Variants in TDRD5 observed in about 807,000 individuals in gnomAD.
TDRD5 encodes the protein tudor domain-containing protein 5.
In TDRD5, 41 loss-of-function variants were observed where a neutral mutation model predicts 120.6. The observed-to-expected ratio is 0.34, with a 90% CI of 0.26 to 0.44. The LOEUF (loss-of-function observed/expected upper bound fraction) is 0.44. Ranked by LOEUF, TDRD5 falls within the 20% of genes least tolerant of loss-of-function variation. The pLI, the probability that TDRD5 is intolerant of heterozygous loss-of-function variation, is 1.00. For synonymous variants in TDRD5, 430 were observed against 433.7 expected (o/e 0.99, Z 0.11); for missense variants, 1,006 against 1,221.2 (o/e 0.82, Z 2.63).
At chr1:179,596,709 C>T (rs1675411061) in intron 4 of TDRD5, among the ~76,000 whole-genome samples, 1 of 152,072 alleles carries the variant, frequency 6.6e-6, no homozygotes, top group Admixed American at 6.6e-5. Context: ...TTTGTTATAC[C>T]TTCCCCATTA....
At chr1:179,610,940 ATGT>A (rs1345219376) in intron 4 of TDRD5, among the ~76,000 whole-genome samples, 1 of 152,104 alleles carries the variant, frequency 6.6e-6, no homozygotes, top group African/African-American at 2.4e-5. Flanking sequence ...ATTCATTGAC[ATGT>A]TGTAGTTGTC....
intron 3 of TDRD5, among the ~76,000 whole-genome samples, chr1:179,594,449 T>C (rs1431086269): frequency 6.6e-6 from 1 of 152,212 alleles, no homozygotes; most frequent in Non-Finnish European, 1.5e-5. Flanking sequence ...TTAAATGGCT[T>C]TTCTAAAGTC....
At chr1:179,623,335 G>A (rs1231520085) in intron 6 of TDRD5, among the ~76,000 whole-genome samples, 1 of 152,082 alleles carries the variant, frequency 6.6e-6, no homozygotes, top group Admixed American at 6.6e-5. Context: ...TGCCTTTTTT[G>A]ATCAGTTAAA....
chr1:179,636,409 G>T (rs1264622916), intron 9 of TDRD5, among the ~76,000 whole-genome samples: 1 of 152,182 alleles, frequency 6.6e-6, no homozygotes, highest in Non-Finnish European at 1.5e-5. Flanking sequence ...AAATCCACTG[G>T]TCTGCCTCTA....
chr1:179,608,001 C>A (rs1676070272), intron 4 of TDRD5, among the ~76,000 whole-genome samples: 2 of 151,662 alleles, frequency 1.3e-5, no homozygotes, highest in South Asian at 4.1e-4. Context: ...AGCTTTTATT[C>A]ATCTGAAAAA....
chr1:179,646,483 C>T (rs895212707), intron 11 of TDRD5, among the ~76,000 whole-genome samples: 9 of 151,192 alleles, frequency 6.0e-5, no homozygotes, highest in Non-Finnish European at 1.3e-4. Flanking sequence ...TATGACAAAC[C>T]CACAGCCAAT....
chr1:179,650,621 G>GA (rs1438339535), intron 11 of TDRD5, among the ~76,000 whole-genome samples: 6 of 152,000 alleles, frequency 3.9e-5, no homozygotes, highest in Non-Finnish European at 8.8e-5. Flanking sequence ...CACAATTTCT[G>GA]AAAATGGAAG....
In TDRD5 at chr1:179,639,883, C is replaced by G. The variant is rs777897546; in HGVS notation, c.1565C>G (p.Pro522Arg). 38 of 1,613,904 alleles carry G rather than the reference C, an allele frequency of 2.4e-5. No individual in the cohort carries two copies. Among genetic ancestry groups the G allele is most frequent in the Non-Finnish European group, 3.1e-5 (37 of 1,179,996 alleles). The change falls in exon 10 of 18, where the codon CCA becomes CGA. Residue 522 changes from proline (P) to arginine (R), a missense_variant. By Grantham distance (103) the Pro-to-Arg change is moderately radical. Transcript: ENST00000444136. ...NQLVSDRYVMPECFIQPGHLC... is the reference protein window; with the variant it reads ...NQLVSDRYVMRECFIQPGHLC... Reference sequence around the variant, plus strand: ...CTGGTTTCTGATCGATATGTCATGCCAGAATGTTTTATTCAGCCGGGACAT... The same window carrying G: ...CTGGTTTCTGATCGATATGTCATGCGAGAATGTTTTATTCAGCCGGGACAT...
intron 5 of TDRD5, among the ~76,000 whole-genome samples, chr1:179,619,415 T>C (rs1302491960): frequency 2.0e-5 from 3 of 152,202 alleles, no homozygotes; most frequent in East Asian, 3.8e-4. Context: ...CAAAGAGTTA[T>C]GTACACTTAA....
At chr1:179,630,223 T>C (rs922728429) in intron 6 of TDRD5, among the ~76,000 whole-genome samples, 1 of 152,144 alleles carries the variant, frequency 6.6e-6, no homozygotes, top group Non-Finnish European at 1.5e-5. Context: ...GGTTTCGATC[T>C]CCTGATGTCG....
chr1:179,647,337 A>T (rs1189827788), intron 11 of TDRD5, among the ~76,000 whole-genome samples: 2 of 148,546 alleles, frequency 1.3e-5, no homozygotes, highest in African/African-American at 2.5e-5. Flanking sequence ...CCTGAGAAAA[A>T]CAAGCAATGG....
chr1:179,626,644 A>G (rs1434259353), intron 6 of TDRD5, among the ~76,000 whole-genome samples: 1 of 152,190 alleles, frequency 6.6e-6, no homozygotes, highest in African/African-American at 2.4e-5. Context: ...TATATAAAAG[A>G]TAAGATGGGT....
chr1:179,612,277 G>A (rs556007166), intron 4 of TDRD5, among the ~76,000 whole-genome samples: 19 of 152,254 alleles, frequency 1.2e-4, no homozygotes, highest in Non-Finnish European at 2.2e-4. Context: ...GAAACAGGCT[G>A]GCTTGGCCTT....
At chr1:179,676,474 T>C (rs78782581) in intron 17 of TDRD5, among the ~76,000 whole-genome samples, 1 of 152,176 alleles carries the variant, frequency 6.6e-6, no homozygotes, top group Non-Finnish European at 1.5e-5. Context: ...TTAAAGGAAG[T>C]TCTATTTTGG....
At chr1:179,658,353 A>T (rs1679114456) in intron 14 of TDRD5, among the ~76,000 whole-genome samples, 1 of 152,174 alleles carries the variant, frequency 6.6e-6, no homozygotes, top group African/African-American at 2.4e-5. Flanking sequence ...GTTAATTTTT[A>T]AAATGTTTGA....
At chr1:179,647,239 G>T (rs1678429893) in intron 11 of TDRD5, among the ~76,000 whole-genome samples, 1 of 134,734 alleles carries the variant, frequency 7.4e-6, no homozygotes, top group Non-Finnish European at 1.7e-5. Flanking sequence ...CATGGTACTG[G>T]TACCAAAACA....
chr1:179,638,048 G>T (rs1677861255), intron 9 of TDRD5, among the ~76,000 whole-genome samples: 1 of 152,314 alleles, frequency 6.6e-6, no homozygotes, highest in East Asian at 1.9e-4. Context: ...CAACAATAAG[G>T]AAGTGACGTT....
At chr1:179,657,082 A>G (rs549260672) in intron 14 of TDRD5, among the ~76,000 whole-genome samples, 3 of 152,304 alleles carry the variant, frequency 2.0e-5, no homozygotes, top group African/African-American at 4.8e-5. Flanking sequence ...ATCAGGTAGT[A>G]TGATTCCTCC....
chr1:179,592,443 C>T (rs1366613791), intron 1 of TDRD5, 159 bp from the exon 2 acceptor site: 4 of 594,198 alleles, frequency 6.7e-6, no homozygotes, highest in Admixed American at 3.0e-5. Flanking sequence ...GCTTGAATCG[C>T]CCGGCCACGC....
Sources: allele counts gnomAD v4.1 joint callset (sites outside exome capture counted in the v4.1 genomes callset), GRCh38; gene constraint gnomAD v4.1.1; transcripts MANE v1.5; gene names NCBI Gene and HGNC (gene_info 2026-07-23, HGNC 2026-07-21).